FAM78B: variants seen among roughly 807,000 people sequenced by gnomAD.
FAM78B encodes family with sequence similarity 78 member B.
Under a neutral mutation model 20.0 loss-of-function variants are expected in FAM78B, and 10 were observed. That is an observed-to-expected ratio of 0.50 (90% CI 0.31 to 0.85). FAM78B has a LOEUF of 0.85. Ranked by LOEUF, FAM78B falls within the 40% of genes least tolerant of loss-of-function variation. The pLI, the probability that FAM78B is intolerant of heterozygous loss-of-function variation, is 0.05. For synonymous variants in FAM78B, 135 were observed against 132.8 expected (o/e 1.02, Z -0.12); for missense variants, 283 against 345.0 (o/e 0.82, Z 1.42).
At position 166,139,128 on chromosome 1, in the gene FAM78B, T is replaced by C. The variant is rs143123772; in HGVS notation, c.263+26858A>G. ...TTCTAGCTAGCCCACACTCTCATTTTACAGACAGGAAAATGGAGGTCCATA... is the reference window on the plus strand; with the variant it reads ...TTCTAGCTAGCCCACACTCTCATTTCACAGACAGGAAAATGGAGGTCCATA... On this transcript the variant is annotated intron_variant, in intron 1 of 1. Coordinates refer to ENST00000354422, the MANE Select transcript of FAM78B (RefSeq NM_001017961.5). Among the ~76,000 whole-genome samples the C allele has an allele frequency of 6.9e-4, 105 of 152,302 alleles. No individual in the cohort carries two copies. The East Asian group carries it at 0.018, about 27-fold the overall frequency.
At chr1:166,090,765 G>A (rs1233150212) in intron 1 of FAM78B, among the ~76,000 whole-genome samples, 1 of 152,128 alleles carries the variant, frequency 6.6e-6, no homozygotes, top group Non-Finnish European at 1.5e-5. Flanking sequence ...GGATATTTGG[G>A]GACAGAGACA....
At chr1:166,098,044 A>C (rs1439875356) in intron 1 of FAM78B, among the ~76,000 whole-genome samples, 1 of 152,190 alleles carries the variant, frequency 6.6e-6, no homozygotes, top group African/African-American at 2.4e-5. Context: ...CCATAGACCC[A>C]CATCACAGGA....
At chr1:166,081,266 G>C (rs1652561586) in intron 1 of FAM78B, 1 of 152,178 alleles carries the variant, frequency 6.6e-6, no homozygotes, top group Non-Finnish European at 1.5e-5. Flanking sequence ...AGTTCTTCCA[G>C]CATTAGAGAC....
chr1:166,096,497 T>C (rs901126448), intron 1 of FAM78B, among the ~76,000 whole-genome samples: 5 of 152,170 alleles, frequency 3.3e-5, no homozygotes, highest in South Asian at 2.1e-4. Context: ...TAGCATTTTG[T>C]TGTTGTTGTT....
chr1:166,111,274 C>G (rs986182549), intron 1 of FAM78B, among the ~76,000 whole-genome samples: 8 of 152,214 alleles, frequency 5.3e-5, no homozygotes, highest in Non-Finnish European at 7.3e-5. Flanking sequence ...GAAATAGGAA[C>G]TCTCTCCAGG....
At chr1:166,123,148 C>T (rs559406677) in intron 1 of FAM78B, among the ~76,000 whole-genome samples, 3 of 152,370 alleles carry the variant, frequency 2.0e-5, no homozygotes, top group South Asian at 2.1e-4. Context: ...GCTTTGGTTG[C>T]AAGTGGAGAA....
chr1:166,125,705 A>G (rs1162357712), intron 1 of FAM78B, among the ~76,000 whole-genome samples: 1 of 152,100 alleles, frequency 6.6e-6, no homozygotes, highest in Non-Finnish European at 1.5e-5. Context: ...ACCTACGCAC[A>G]TCCTCCTGTA....
intron 1 of FAM78B, among the ~76,000 whole-genome samples, chr1:166,117,260 C>A (rs1287059547): frequency 2.6e-5 from 4 of 152,146 alleles, no homozygotes; most frequent in African/African-American, 9.7e-5. Context: ...GGATACTTAT[C>A]TATTTTGCAT....
Position 166,070,571 on chromosome 1 carries a change from C to T in FAM78B, c.456G>A (p.Val152=), listed in dbSNP as rs570530615. 71 of 1,613,822 alleles carry T rather than the reference C, an allele frequency of 4.4e-5. No homozygotes were observed. In the South Asian group the frequency reaches 6.7e-4, roughly 15 times the overall value. Reference sequence around the variant, plus strand: ...TGAGCAGTGGCACATTGCTGTCACTCACAGGCACTGCCCATGTCACACTGG... The same window carrying T: ...TGAGCAGTGGCACATTGCTGTCACTTACAGGCACTGCCCATGTCACACTGG... ...FYPSVTWAVP[V]SDSNVPLLTR... Residue 152 remains valine, a synonymous_variant, in exon 2 of 2, where the codon GTG becomes GTA. Transcript: ENST00000354422.
In FAM78B at chr1:166,069,817, AGTCT is replaced by A. The variant is rs1182025677; in HGVS notation, c.*420_*423del. The A allele has an allele frequency of 4.8e-6, 1 of 207,348 alleles. No individual in the cohort carries two copies. The highest frequency in any genetic ancestry group is 2.3e-5 in the African/African-American group (1 of 42,622). The allele number at this position is 207,348 out of a possible 1,614,324, so 12.8% of individuals were successfully genotyped here. A position where few individuals can be genotyped will look rare whatever the true frequency, so the allele number is the denominator to read the frequency against. On this transcript the variant is annotated 3_prime_UTR_variant, in exon 2 of 2. Transcript: ENST00000354422. ...CAGCACCCTCCAGTCAGACAGCAGGAGTCTGTCTTACGACCACCTGGTGTGGATG... is the reference window on the plus strand; with the variant it reads ...CAGCACCCTCCAGTCAGACAGCAGGAGTCTTACGACCACCTGGTGTGGATG...
intron 1 of FAM78B, among the ~76,000 whole-genome samples, chr1:166,090,909 C>T (rs189690116): frequency 6.6e-6 from 1 of 152,310 alleles, no homozygotes; most frequent in Admixed American, 6.5e-5. Context: ...CATGCACCAA[C>T]TGATCAATCC....
chr1:166,062,216 G>C (rs961834901), intron 2 of FAM78B, among the ~76,000 whole-genome samples: 1 of 152,160 alleles, frequency 6.6e-6, no homozygotes, highest in Non-Finnish European at 1.5e-5. Flanking sequence ...AGATCCCAAA[G>C]ATGGCCTGCA....
At chr1:166,104,750 A>C (rs1417460146) in intron 1 of FAM78B, among the ~76,000 whole-genome samples, 1 of 152,220 alleles carries the variant, frequency 6.6e-6, no homozygotes, top group African/African-American at 2.4e-5. Flanking sequence ...GGGTAGGAAG[A>C]ATCAACATCG....
intron 1 of FAM78B, among the ~76,000 whole-genome samples, chr1:166,101,081 G>T (rs546658068): frequency 6.6e-6 from 1 of 152,240 alleles, no homozygotes; most frequent in Non-Finnish European, 1.5e-5. Flanking sequence ...CAGGCAAACA[G>T]GGTCTGGAGT....
chr1:166,072,790 C>T (rs575167784), intron 1 of FAM78B, among the ~76,000 whole-genome samples: 4 of 152,342 alleles, frequency 2.6e-5, no homozygotes, highest in Non-Finnish European at 4.4e-5. Context: ...TGCTCTCCCC[C>T]GCTACACACA....
At chr1:166,125,115 A>G (rs1654593535) in intron 1 of FAM78B, among the ~76,000 whole-genome samples, 1 of 152,164 alleles carries the variant, frequency 6.6e-6, no homozygotes, top group South Asian at 2.1e-4. Flanking sequence ...GATAAGGCCT[A>G]TGTTGGGGTA....
intron 1 of FAM78B, among the ~76,000 whole-genome samples, chr1:166,103,922 A>G (rs12140041): frequency 0.2 from 29,685 of 152,176 alleles, 3,306 homozygotes; most frequent in East Asian, 0.38. Flanking sequence ...TTAGACCAAT[A>G]TCCCTGAGGA....
At chr1:166,078,175 G>A (rs1435690382) in intron 1 of FAM78B, among the ~76,000 whole-genome samples, 1 of 151,590 alleles carries the variant, frequency 6.6e-6, no homozygotes, top group African/African-American at 2.4e-5. Context: ...GGGACTACAG[G>A]CATGTGCCAC....
At chr1:166,064,327 A>C (rs147009241), downstream of FAM78B, among the ~76,000 whole-genome samples, 174 of 152,254 alleles carry the variant, frequency 1.1e-3, 1 homozygote, top group East Asian at 0.031. Flanking sequence ...GACCCACATA[A>C]AACTTTGAAT....
Sources: gnomAD v4.1 joint callset for allele counts (sites outside exome capture counted in the v4.1 genomes callset) on GRCh38, gnomAD v4.1.1 for gene constraint, MANE v1.5 for transcripts, NCBI Gene and HGNC (gene_info 2026-07-23, HGNC 2026-07-21) for gene names.